The following RLN2 variants were observed in gnomAD, a reference collection of about 807,000 sequenced individuals.
RLN2 encodes the protein prorelaxin H2.
In RLN2, 10 loss-of-function variants were observed where a neutral mutation model predicts 7.3. The ratio of observed to expected loss-of-function variants is 1.36; its 90% CI spans 0.84 to 2.31. RLN2 has a LOEUF of 2.31. Ranked by LOEUF, RLN2 falls within the 30% of genes most tolerant of loss-of-function variation. The pLI is 0.00. For synonymous variants in RLN2, 103 were observed against 82.3 expected (o/e 1.25, Z -1.36); for missense variants, 298 against 217.6 (o/e 1.37, Z -2.32).
chr9:5,302,227 T>C (rs1445615847), intron 1 of RLN2, among the ~76,000 whole-genome samples: 3 of 152,262 alleles, frequency 2.0e-5, no homozygotes, highest in African/African-American at 7.2e-5. Context: ...CCTTTAGCTA[T>C]GGAACCTAGG....
At chr9:5,330,372 C>G in the RLN2 span, among the ~76,000 whole-genome samples, 9 of 151,978 alleles carry the variant, frequency 5.9e-5, 1 homozygote, top group African/African-American at 1.9e-4. Context: ...GGTGTGGTGG[C>G]TCACGCCTGT....
chr9:5,313,458 C>G, the RLN2 span, among the ~76,000 whole-genome samples: 1 of 151,916 alleles, frequency 6.6e-6, no homozygotes, highest in Admixed American at 6.6e-5. Flanking sequence ...TATGTGTATT[C>G]TTAAAGGAGA....
upstream of RLN2, among the ~76,000 whole-genome samples, chr9:5,309,395 T>C (rs190201718): frequency 3.9e-5 from 6 of 152,088 alleles, no homozygotes; most frequent in Admixed American, 3.9e-4. Context: ...ACAGCTGGCT[T>C]CTACAAGGTT....
upstream of RLN2, among the ~76,000 whole-genome samples, chr9:5,306,007 G>A (rs1350654154): frequency 4.6e-5 from 7 of 151,678 alleles, no homozygotes; most frequent in Non-Finnish European, 1.0e-4. Context: ...ATTTTTGTGG[G>A]TTGACAGTCC....
At chr9:5,325,339 G>C in the RLN2 span, among the ~76,000 whole-genome samples, 2 of 151,568 alleles carry the variant, frequency 1.3e-5, no homozygotes, top group African/African-American at 2.4e-5. Context: ...AAATAGGAAA[G>C]GCTAGAAAAA....
upstream of RLN2, among the ~76,000 whole-genome samples, chr9:5,307,395 G>T (rs1267868425): frequency 6.6e-6 from 1 of 151,908 alleles, no homozygotes; most frequent in Non-Finnish European, 1.5e-5. Context: ...AGTTTCCTAT[G>T]AGAGTTTTAG....
chr9:5,322,311 G>A, the RLN2 span, among the ~76,000 whole-genome samples: 2 of 152,112 alleles, frequency 1.3e-5, no homozygotes, highest in South Asian at 2.1e-4. Context: ...TTAGGAAGGT[G>A]AGAAACCTGC....
the RLN2 span, among the ~76,000 whole-genome samples, chr9:5,321,353 AT>A: frequency 2.0e-5 from 3 of 151,998 alleles, no homozygotes; most frequent in South Asian, 6.2e-4. Context: ...CCCTCATTTT[AT>A]TCACGTTTTT....
intron 1 of RLN2, among the ~76,000 whole-genome samples, chr9:5,300,729 G>A (rs1816104469): frequency 6.6e-6 from 1 of 152,076 alleles, no homozygotes; most frequent in Non-Finnish European, 1.5e-5. Flanking sequence ...GACTCTCCCT[G>A]ACATTAATCT....
the RLN2 span, among the ~76,000 whole-genome samples, chr9:5,330,637 C>CAAAAAAAAAA: frequency 6.7e-5 from 5 of 74,678 alleles, no homozygotes; most frequent in Middle Eastern, 8.2e-3. Context: ...GACTCCATCT[C>CAAAAAAAAAA]AAAAAAAAAA....
upstream of RLN2, among the ~76,000 whole-genome samples, chr9:5,307,354 A>G (rs1816275253): frequency 6.6e-6 from 1 of 151,898 alleles, no homozygotes; most frequent in South Asian, 2.1e-4. Context: ...TGCAAAATAC[A>G]TTTTTATTAA....
the RLN2 span, among the ~76,000 whole-genome samples, chr9:5,324,383 A>C: frequency 1.2e-4 from 18 of 152,220 alleles, no homozygotes; most frequent in African/African-American, 4.3e-4. Context: ...TGCATAACTG[A>C]AAATAATCAT....
the RLN2 span, chr9:5,335,743 C>T: frequency 1.6e-5 from 10 of 618,500 alleles, no homozygotes; most frequent in Non-Finnish European, 2.5e-5. Context: ...ATCCTAATAT[C>T]TAAACACTTA....
chr9:5,313,833 T>C, the RLN2 span, among the ~76,000 whole-genome samples: 1 of 151,956 alleles, frequency 6.6e-6, no homozygotes, highest in Non-Finnish European at 1.5e-5. Flanking sequence ...GGGAGGATGT[T>C]AGAATACATT....
At chr9:5,314,443 C>T in the RLN2 span, among the ~76,000 whole-genome samples, 2 of 151,950 alleles carry the variant, frequency 1.3e-5, 1 homozygote, top group African/African-American at 4.8e-5. Context: ...CTGCTCAGGG[C>T]AGTCATGCAC....
the RLN2 span, among the ~76,000 whole-genome samples, chr9:5,319,625 A>T: frequency 6.6e-6 from 1 of 152,046 alleles, no homozygotes; most frequent in Admixed American, 6.6e-5. Flanking sequence ...CTATAAAATG[A>T]ATCTCCTCTA....
the RLN2 span, among the ~76,000 whole-genome samples, chr9:5,332,507 T>A: frequency 1.5e-4 from 23 of 152,116 alleles, no homozygotes; most frequent in African/African-American, 5.5e-4. Flanking sequence ...GGTCTCAATG[T>A]AACACATGGA....
the RLN2 span, among the ~76,000 whole-genome samples, chr9:5,317,041 G>A: frequency 1.3e-5 from 2 of 151,934 alleles, no homozygotes; most frequent in African/African-American, 4.8e-5. Context: ...TTTTATGTAA[G>A]CCTCACAGTA....
At chr9:5,311,558 C>G in the RLN2 span, 4 of 762,330 alleles carry the variant, frequency 5.2e-6, no homozygotes, top group African/African-American at 5.1e-5. Flanking sequence ...AAAGCCAGAG[C>G]TCAAGCCTAA....
Sources: gnomAD v4.1 joint callset for allele counts (sites outside exome capture counted in the v4.1 genomes callset) on GRCh38, gnomAD v4.1.1 for gene constraint, MANE v1.5 for transcripts, NCBI Gene and HGNC (gene_info 2026-07-23, HGNC 2026-07-21) for gene names.